GALNT13: variants seen among roughly 807,000 people sequenced by gnomAD.
GALNT13 encodes polypeptide N-acetylgalactosaminyltransferase 13, also known as UDP-GalNAc:polypeptide N-acetylgalactosaminyltransferase 13.
A neutral mutation model predicts 64.2 loss-of-function variants in GALNT13; 28 were observed. The ratio of observed to expected loss-of-function variants is 0.44; its 90% CI spans 0.32 to 0.60. The LOEUF is 0.60. GALNT13 is among the 20% of genes least tolerant of loss of function. The pLI is 0.05. For missense variants in GALNT13, 577 were observed against 669.8 expected (o/e 0.86, Z 1.53); for synonymous variants, 214 against 224.6 (o/e 0.95, Z 0.42).
At chr2:154,161,416 AG>A (rs969095221) in intron 4 of GALNT13, among the ~76,000 whole-genome samples, 3 of 152,176 alleles carry the variant, frequency 2.0e-5, no homozygotes, top group Admixed American at 6.5e-5. Context: ...GTATCATTTT[AG>A]GGAGTTCAGA....
At chr2:154,053,543 A>G (rs2105351886) in intron 3 of GALNT13, among the ~76,000 whole-genome samples, 1 of 152,284 alleles carries the variant, frequency 6.6e-6, no homozygotes, top group African/African-American at 2.4e-5. Flanking sequence ...CCCATATACA[A>G]AAATTGAAAA....
At chr2:153,692,861 A>AGAAG in the GALNT13 span, among the ~76,000 whole-genome samples, 1 of 152,178 alleles carries the variant, frequency 6.6e-6, no homozygotes, top group Non-Finnish European at 1.5e-5. Flanking sequence ...CAGAGAGTGG[A>AGAAG]GAAGAGTAAG....
At chr2:153,923,155 C>T (rs983892061) in intron 2 of GALNT13, among the ~76,000 whole-genome samples, 2 of 152,132 alleles carry the variant, frequency 1.3e-5, no homozygotes, top group African/African-American at 2.4e-5. Flanking sequence ...CCACGTCGGC[C>T]TCCCAAAGTG....
the GALNT13 span, among the ~76,000 whole-genome samples, chr2:153,741,493 T>C: frequency 6.6e-6 from 1 of 152,206 alleles, no homozygotes; most frequent in African/African-American, 2.4e-5. Context: ...ATTTTCTTCA[T>C]TTCTTGGTAT....
chr2:153,653,165 G>A, the GALNT13 span, among the ~76,000 whole-genome samples: 1 of 149,498 alleles, frequency 6.7e-6, no homozygotes, highest in Non-Finnish European at 1.5e-5. Context: ...TAGAACAGAT[G>A]CTGAAATAAC....
intron 3 of GALNT13, among the ~76,000 whole-genome samples, chr2:154,126,201 T>A (rs1682251394): frequency 6.6e-6 from 1 of 152,064 alleles, no homozygotes; most frequent in Non-Finnish European, 1.5e-5. Context: ...TCATAAATGA[T>A]TACTAAAATC....
the GALNT13 span, among the ~76,000 whole-genome samples, chr2:153,497,532 T>A: frequency 4.8e-4 from 50 of 104,058 alleles, no homozygotes; most frequent in Admixed American, 8.3e-4. Flanking sequence ...ATTTTTTTTT[T>A]TTTTTTTTTT....
At chr2:154,287,154 C>G in intron 8 of GALNT13, 1 of 1,471,592 alleles carries the variant, frequency 6.8e-7, no homozygotes. Context: ...TTCACAGAAG[C>G]GGTGGAAGCC....
At chr2:153,075,286 G>C in the GALNT13 span, among the ~76,000 whole-genome samples, 2 of 152,090 alleles carry the variant, frequency 1.3e-5, no homozygotes, top group African/African-American at 4.8e-5. Flanking sequence ...ACTGTGTGTA[G>C]GCTTATTCAG....
chr2:154,086,515 T>G (rs919033213), intron 3 of GALNT13, among the ~76,000 whole-genome samples: 24 of 150,986 alleles, frequency 1.6e-4, no homozygotes, highest in Non-Finnish European at 3.1e-4. Context: ...ACAAACTTCT[T>G]CAGGGTTCTG....
At chr2:153,233,445 G>A in the GALNT13 span, among the ~76,000 whole-genome samples, 8 of 151,254 alleles carry the variant, frequency 5.3e-5, no homozygotes, top group East Asian at 1.9e-4. Flanking sequence ...AGACCCATTC[G>A]TGCCTTTAGA....
the GALNT13 span, among the ~76,000 whole-genome samples, chr2:153,818,746 G>A: frequency 6.6e-6 from 1 of 152,230 alleles, no homozygotes; most frequent in East Asian, 1.9e-4. Context: ...TAGCTAAAGG[G>A]TCCTGCCCTC....
At chr2:153,984,275 T>A (rs1417938729) in intron 3 of GALNT13, among the ~76,000 whole-genome samples, 1 of 151,734 alleles carries the variant, frequency 6.6e-6, no homozygotes, top group African/African-American at 2.4e-5. Context: ...ATTGACTAGA[T>A]TATTGGCAAT....
intron 3 of GALNT13, among the ~76,000 whole-genome samples, chr2:154,069,075 A>G (rs1700612474): frequency 6.6e-6 from 1 of 152,038 alleles, no homozygotes; most frequent in Non-Finnish European, 1.5e-5. Context: ...AAGCAAAAAC[A>G]ATGAAATTAC....
At chr2:154,377,671 A>G (rs954475523) in intron 9 of GALNT13, among the ~76,000 whole-genome samples, 4 of 149,894 alleles carry the variant, frequency 2.7e-5, no homozygotes, top group African/African-American at 1.0e-4. Flanking sequence ...TCATTCATTC[A>G]TCATTTATTA....
the GALNT13 span, among the ~76,000 whole-genome samples, chr2:153,756,641 A>T: frequency 1.3e-5 from 2 of 152,040 alleles, no homozygotes; most frequent in African/African-American, 4.8e-5. Context: ...TCTTTTAATT[A>T]TGAGAAACAT....
the GALNT13 span, among the ~76,000 whole-genome samples, chr2:153,768,063 T>C: frequency 1.3e-5 from 2 of 152,200 alleles, no homozygotes; most frequent in Non-Finnish European, 2.9e-5. Flanking sequence ...GTTTTTCTTC[T>C]ATGATTTTTA....
chr2:153,680,251 G>A, the GALNT13 span, among the ~76,000 whole-genome samples: 2 of 151,706 alleles, frequency 1.3e-5, no homozygotes, highest in African/African-American at 2.4e-5. Context: ...TATGACAGAC[G>A]AAGAATGGAG....
intron 3 of GALNT13, among the ~76,000 whole-genome samples, chr2:153,961,094 A>G (rs1184010759): frequency 6.6e-6 from 1 of 152,220 alleles, no homozygotes; most frequent in Admixed American, 6.5e-5. Context: ...AGTATAAAAA[A>G]GTAACTACTC....
Sources: allele counts gnomAD v4.1 joint callset (sites outside exome capture counted in the v4.1 genomes callset), GRCh38; gene constraint gnomAD v4.1.1; transcripts MANE v1.5; gene names NCBI Gene and HGNC (gene_info 2026-07-23, HGNC 2026-07-21).